The following PPP6C variants were observed in gnomAD, a reference collection of about 807,000 sequenced individuals.
PPP6C encodes serine/threonine-protein phosphatase 6 catalytic subunit.
PPP6C carries 11 observed loss-of-function variants against 39.8 expected under a neutral mutation model. That is an observed-to-expected ratio of 0.28 (90% CI 0.17 to 0.46). The LOEUF is 0.46. PPP6C is among the 20% of genes least tolerant of loss of function. The pLI is 1.00. For missense variants in PPP6C, 211 were observed against 373.9 expected (o/e 0.56, Z 3.59); for synonymous variants, 129 against 130.3 (o/e 0.99, Z 0.07).
intron 1 of PPP6C, among the ~76,000 whole-genome samples, chr9:125,182,632 T>C (rs1347782515): frequency 2.0e-5 from 3 of 151,728 alleles, no homozygotes; most frequent in Non-Finnish European, 2.9e-5. Flanking sequence ...ATCCAGAAGG[T>C]AGTATCTGTA....
chr9:125,167,621 T>C (rs1251565204), intron 2 of PPP6C, among the ~76,000 whole-genome samples: 2 of 151,868 alleles, frequency 1.3e-5, no homozygotes, highest in African/African-American at 4.8e-5. Context: ...GAGAATCGCT[T>C]GAACCTGGGA....
chr9:125,189,593 G>T (rs773645927), intron 1 of PPP6C, 51 bp downstream of exon 1: 2 of 1,609,094 alleles, frequency 1.2e-6, no homozygotes, highest in Non-Finnish European at 1.7e-6. Flanking sequence ...GGAAGGGCCG[G>T]CCGGCGGGCG....
chr9:125,180,758 A>G (rs375329889), intron 1 of PPP6C, among the ~76,000 whole-genome samples: 17 of 152,268 alleles, frequency 1.1e-4, no homozygotes, highest in East Asian at 7.7e-4. Flanking sequence ...TTTCGCTGAC[A>G]TGTAACTGGT....
intron 3 of PPP6C, among the ~76,000 whole-genome samples, chr9:125,158,698 G>C (rs918634577): frequency 2.7e-5 from 4 of 149,182 alleles, no homozygotes; most frequent in African/African-American, 9.9e-5. Context: ...GTATCACTCT[G>C]TCACCCAGGC....
intron 1 of PPP6C, among the ~76,000 whole-genome samples, chr9:125,171,478 C>CACACATAT (rs1171157245): frequency 1.6e-3 from 136 of 83,414 alleles, no homozygotes; most frequent in African/African-American, 3.6e-3. Context: ...CACACACACA[C>CACACATAT]ATATATATAT....
chr9:125,171,478 CATATAT>C (rs59002869), intron 1 of PPP6C, among the ~76,000 whole-genome samples: 11,397 of 83,448 alleles, frequency 0.14, 692 homozygotes, highest in Middle Eastern at 0.25. Flanking sequence ...CACACACACA[CATATAT>C]ATATATATAT....
intron 1 of PPP6C, among the ~76,000 whole-genome samples, chr9:125,173,008 G>C (rs1012338441): frequency 6.6e-6 from 1 of 152,178 alleles, no homozygotes; most frequent in Non-Finnish European, 1.5e-5. Flanking sequence ...TGGGCACGGC[G>C]GCTCTCGCCT....
intron 4 of PPP6C, among the ~76,000 whole-genome samples, chr9:125,157,699 T>TC (rs934833944): frequency 6.6e-6 from 1 of 150,612 alleles, no homozygotes; most frequent in African/African-American, 2.4e-5. Flanking sequence ...TTTTTTGGTT[T>TC]TTTTTTTTTT....
At chr9:125,151,697 G>C in intron 6 of PPP6C, 1 of 408,564 alleles carries the variant, frequency 2.4e-6, no homozygotes, top group Non-Finnish European at 4.6e-6. Flanking sequence ...CTCCAGTGTA[G>C]CTTTCTATAT....
chr9:125,188,539 A>G (rs1460992591), intron 1 of PPP6C, among the ~76,000 whole-genome samples: 1 of 152,044 alleles, frequency 6.6e-6, no homozygotes, highest in East Asian at 1.9e-4. Context: ...TAATACCAGC[A>G]CTTTGGTAGG....
intron 1 of PPP6C, among the ~76,000 whole-genome samples, chr9:125,187,507 C>A (rs929198131): frequency 6.6e-6 from 1 of 151,870 alleles, no homozygotes; most frequent in Non-Finnish European, 1.5e-5. Flanking sequence ...TGGTCTCAAA[C>A]TCCTGATCTC....
chr9:125,175,863 C>G (rs1389902680), intron 1 of PPP6C, among the ~76,000 whole-genome samples: 1 of 151,950 alleles, frequency 6.6e-6, no homozygotes, highest in African/African-American at 2.4e-5. Context: ...TAGCAACAAC[C>G]AAAACAGACT....
chr9:125,167,396 A>AAAAAAAAG (rs1355880967), intron 2 of PPP6C, among the ~76,000 whole-genome samples: 17 of 143,520 alleles, frequency 1.2e-4, no homozygotes, highest in African/African-American at 4.0e-4. Flanking sequence ...AAAAAAAAAA[A>AAAAAAAAG]AAAGAAATAA....
In PPP6C at chr9:125,147,010, C is replaced by A. The variant is rs117859968; in HGVS notation, c.*2663G>T. 1 of 152,122 alleles carries A rather than the reference C, an allele frequency of 6.6e-6. No individual in the cohort carries two copies. Among genetic ancestry groups the A allele is most frequent in the Non-Finnish European group, 1.5e-5 (1 of 68,020 alleles). The allele number at this position is 152,122 out of a possible 1,614,324, so 9.4% of individuals were successfully genotyped here. Reference sequence around the variant, plus strand: ...CCAAAGCAAAACCTAGGGCTTAAGACGTCAAAATCTTCCAACAGTTCTAGA... The same window carrying A: ...CCAAAGCAAAACCTAGGGCTTAAGAAGTCAAAATCTTCCAACAGTTCTAGA... On this transcript the variant is annotated 3_prime_UTR_variant, in exon 7 of 7. Coordinates refer to ENST00000373547, the MANE Select transcript of PPP6C (RefSeq NM_002721.5).
At position 125,153,897 on chromosome 9, in the gene PPP6C, G is replaced by A. The variant is rs775457591; in HGVS notation, c.459+9C>T. 1.9e-6 allele frequency: 3 copies of A among 1,590,218 alleles called. No individual in the cohort carries two copies. The highest frequency in any genetic ancestry group is 2.6e-6 in the Non-Finnish European group (3 of 1,159,868). The stretch of plus-strand genomic sequence containing the variant: ...GAACGTACATGAGACTTTAAAAATA[G>A]AAACTTACAGCTGCTACTGTGAGCA... On this transcript the variant is annotated intron_variant, in intron 5 of 6. Coordinates refer to ENST00000373547, the MANE Select transcript of PPP6C (RefSeq NM_002721.5).
intron 1 of PPP6C, among the ~76,000 whole-genome samples, chr9:125,184,966 C>CAAA (rs34609209): frequency 3.4e-4 from 24 of 69,968 alleles, no homozygotes; most frequent in African/African-American, 7.9e-4. Context: ...GATTCAGTCT[C>CAAA]AAAAAAAAAA....
At chr9:125,180,954 G>A (rs1161765425) in intron 1 of PPP6C, among the ~76,000 whole-genome samples, 1 of 152,050 alleles carries the variant, frequency 6.6e-6, no homozygotes, top group Non-Finnish European at 1.5e-5. Flanking sequence ...TTCAACCAGG[G>A]CCCAGGCACA....
At chr9:125,183,340 C>T (rs1276537578) in intron 1 of PPP6C, among the ~76,000 whole-genome samples, 3 of 152,184 alleles carry the variant, frequency 2.0e-5, no homozygotes, top group African/African-American at 4.8e-5. Flanking sequence ...ACTCCTCAAG[C>T]GTATTCCTCC....
chr9:125,179,072 G>A (rs762288583), intron 1 of PPP6C, among the ~76,000 whole-genome samples: 9 of 152,196 alleles, frequency 5.9e-5, no homozygotes, highest in South Asian at 4.1e-4. Flanking sequence ...AAAATTAGCC[G>A]GGTGTGGTGG....
Sources: allele counts gnomAD v4.1 joint callset (sites outside exome capture counted in the v4.1 genomes callset), GRCh38; gene constraint gnomAD v4.1.1; transcripts MANE v1.5; gene names NCBI Gene and HGNC (gene_info 2026-07-23, HGNC 2026-07-21).